The following GALNT16 variants were observed in gnomAD, a reference collection of about 807,000 sequenced individuals.
GALNT16 encodes polypeptide N-acetylgalactosaminyltransferase 16, also known as UDP-GalNAc:polypeptide N-acetylgalactosaminyltransferase-like protein 1.
In GALNT16, 40 loss-of-function variants were observed where a neutral mutation model predicts 76.1. The observed-to-expected ratio is 0.53, with a 90% CI of 0.41 to 0.68. The LOEUF (loss-of-function observed/expected upper bound fraction) is 0.68, where lower values mean the gene tolerates loss of function less well. GALNT16 is among the 30% of genes least tolerant of loss of function. The probability of loss-of-function intolerance (pLI) is 0.00; values close to 1 mark genes in which losing one functional copy is unlikely to be tolerated. For synonymous variants in GALNT16, 276 were observed against 285.2 expected (o/e 0.97, Z 0.32); for missense variants, 621 against 731.9 (o/e 0.85, Z 1.75).
upstream of GALNT16, chr14:69,260,136 A>ACTCCC: frequency 7.9e-5 from 9 of 113,992 alleles, 2 homozygotes; most frequent in South Asian, 4.3e-4. Flanking sequence ...TCTCCCTATC[A>ACTCCC]CCCCCCCGCC....
At chr14:69,272,135 G>T (rs1338794470) in intron 1 of GALNT16, among the ~76,000 whole-genome samples, 1 of 152,004 alleles carries the variant, frequency 6.6e-6, no homozygotes, top group Admixed American at 6.5e-5. Context: ...CTGAGGAGGG[G>T]AGATCATCTG....
chr14:69,340,993 C>A (rs977827014), intron 11 of GALNT16, among the ~76,000 whole-genome samples: 2 of 152,174 alleles, frequency 1.3e-5, no homozygotes, highest in African/African-American at 4.8e-5. Flanking sequence ...ATATCTATCT[C>A]CCTTTTTTTG....
chr14:69,293,789 A>G (rs1272373936), intron 1 of GALNT16, among the ~76,000 whole-genome samples: 2 of 152,218 alleles, frequency 1.3e-5, no homozygotes, highest in East Asian at 1.9e-4. Context: ...AGTAAGCATT[A>G]GTTATTCCCA....
rs1477874440 is a variant in GALNT16, at chr14:69,320,788, C to T, written c.255C>T (p.Pro85=). 2.5e-6 allele frequency: 4 copies of T among 1,614,092 alleles called. No individual in the cohort carries two copies. The East Asian group carries it at 6.7e-5, about 27-fold the overall frequency. Residue 85 remains proline (P), a synonymous_variant, in exon 2 of 15, where the codon CCC becomes CCT. Coordinates refer to ENST00000448469, the MANE Select transcript of GALNT16 (RefSeq NM_001168368.2). ...SAKQLKAGED[P]YRQHAFNQLE... is the part of the protein sequence containing the mutation. ...AGCAGCTGAAGGCTGGAGAGGACCC[C>T]TACAGACAGCACGCCTTCAACCAGC...
At chr14:69,320,905 T>C (rs1355207410) in intron 2 of GALNT16, 37 bp downstream of exon 2, 3 of 1,592,792 alleles carry the variant, frequency 1.9e-6, no homozygotes, top group Non-Finnish European at 2.6e-6. Context: ...GAAGAAAGAC[T>C]GAGAGAAAGC....
At chr14:69,291,234 C>T (rs2044683878) in intron 1 of GALNT16, among the ~76,000 whole-genome samples, 1 of 152,154 alleles carries the variant, frequency 6.6e-6, no homozygotes, top group Admixed American at 6.5e-5. Context: ...GCAGAGGTTG[C>T]AGTAAGCCAA....
the GALNT16 span, among the ~76,000 whole-genome samples, chr14:69,382,789 C>CAAAAAAAAAAAAAAAAAAAAAAAAAA: frequency 9.7e-6 from 1 of 103,134 alleles, no homozygotes; most frequent in African/African-American, 3.7e-5. Context: ...ACTCTATCTC[C>CAAAAAAAAAAAAAAAAAAAAAAAAAA]AAAAGAAAAA....
chr14:69,269,890 C>T (rs991675122), intron 1 of GALNT16, among the ~76,000 whole-genome samples: 1 of 151,220 alleles, frequency 6.6e-6, no homozygotes, highest in Non-Finnish European at 1.5e-5. Flanking sequence ...GTGCCTGAAG[C>T]GATGTAAAAG....
intron 10 of GALNT16, 98 bp from the exon 11 acceptor site, chr14:69,339,429 C>G: frequency 1.3e-6 from 1 of 792,082 alleles, no homozygotes; most frequent in Admixed American, 1.8e-5. Context: ...TCCTGAGATT[C>G]TCATCGTCCT....
chr14:69,339,154 G>C (rs542770762), intron 10 of GALNT16, among the ~76,000 whole-genome samples: 1 of 152,136 alleles, frequency 6.6e-6, no homozygotes, highest in Admixed American at 6.5e-5. Flanking sequence ...GGGTGCACTA[G>C]TCTCAAGGGA....
the GALNT16 span, among the ~76,000 whole-genome samples, chr14:69,386,083 T>G: frequency 6.6e-6 from 1 of 152,238 alleles, no homozygotes; most frequent in Non-Finnish European, 1.5e-5. Context: ...AACATTCATT[T>G]GAATGTTCTG....
chr14:69,294,725 TC>T (rs1311860155), intron 1 of GALNT16, among the ~76,000 whole-genome samples: 1 of 152,178 alleles, frequency 6.6e-6, no homozygotes, highest in Non-Finnish European at 1.5e-5. Context: ...GTGACTAGCT[TC>T]TTTCACGTTA....
the GALNT16 span, among the ~76,000 whole-genome samples, chr14:69,385,553 T>TA: frequency 6.6e-6 from 1 of 151,752 alleles, no homozygotes; most frequent in Middle Eastern, 3.4e-3. Flanking sequence ...CCTGCAAACT[T>TA]ACCATTACTT....
At chr14:69,373,800 G>T in the GALNT16 span, among the ~76,000 whole-genome samples, 1 of 150,282 alleles carries the variant, frequency 6.7e-6, no homozygotes, top group Non-Finnish European at 1.5e-5. Context: ...TTTTGACACA[G>T]GGTCTCAATC....
intron 1 of GALNT16, among the ~76,000 whole-genome samples, chr14:69,264,426 G>T (rs1278002685): frequency 6.6e-6 from 1 of 152,154 alleles, no homozygotes; most frequent in Non-Finnish European, 1.5e-5. Flanking sequence ...CTCCTGAAAG[G>T]TGTTGTGAAG....
At chr14:69,378,038 T>C in the GALNT16 span, among the ~76,000 whole-genome samples, 1 of 152,122 alleles carries the variant, frequency 6.6e-6, no homozygotes, top group Non-Finnish European at 1.5e-5. Context: ...TTTAGGACAG[T>C]ACAAAATTAT....
chr14:69,375,088 G>C, the GALNT16 span, among the ~76,000 whole-genome samples: 7 of 152,142 alleles, frequency 4.6e-5, no homozygotes, highest in African/African-American at 1.4e-4. Context: ...GCAGGTGCAC[G>C]TATTTTTAGG....
chr14:69,315,747 G>T (rs2045090192), intron 1 of GALNT16, among the ~76,000 whole-genome samples: 1 of 152,094 alleles, frequency 6.6e-6, no homozygotes, highest in Non-Finnish European at 1.5e-5. Context: ...TGGAAGAACT[G>T]CAGGACTGAT....
rs145347844 is a variant in GALNT16 at position 69,354,428 on chromosome 14, T to G, written c.*2260T>G. Reference sequence around the variant, plus strand: ...GCTGTCCTTGAGGACCTCGTCTTTATGAAACACACACCTGGAATAAAACCA... The same window carrying G: ...GCTGTCCTTGAGGACCTCGTCTTTAGGAAACACACACCTGGAATAAAACCA... On this transcript the variant is annotated 3_prime_UTR_variant, in exon 15 of 15. Coordinates refer to ENST00000448469, the MANE Select transcript of GALNT16 (RefSeq NM_001168368.2). The G allele has an allele frequency of 2.0e-5, 3 of 152,928 alleles. No homozygotes were observed. The highest frequency in any genetic ancestry group is 4.4e-5 in the Non-Finnish European group (3 of 68,114). The allele number at this position is 152,928 out of a possible 1,614,324, so 9.5% of individuals were successfully genotyped here.
Sources: allele counts gnomAD v4.1 joint callset (sites outside exome capture counted in the v4.1 genomes callset), GRCh38; gene constraint gnomAD v4.1.1; transcripts MANE v1.5; gene names NCBI Gene and HGNC (gene_info 2026-07-23, HGNC 2026-07-21).